The following SLMAP variants were observed in gnomAD, a reference collection of about 807,000 sequenced individuals.
SLMAP encodes sarcolemma associated protein, also known as sarcolemmal membrane-associated protein.
SLMAP carries 44 observed loss-of-function variants against 128.8 expected under a neutral mutation model. That is an observed-to-expected ratio of 0.34 (90% confidence interval 0.27 to 0.44). SLMAP has a LOEUF of 0.44. Ranked by LOEUF, SLMAP falls within the 20% of genes least tolerant of loss-of-function variation. The pLI is 1.00. For missense variants in SLMAP, 787 were observed against 985.3 expected, an observed-to-expected ratio of 0.80 and a Z score of 2.69; for synonymous variants, 327 against 348.8, an observed-to-expected ratio of 0.94 and a Z score of 0.70.
intron 22 of SLMAP, among the ~76,000 whole-genome samples, chr3:57,919,979 A>C (rs1023493313): frequency 9.9e-5 from 15 of 152,082 alleles, no homozygotes; most frequent in African/African-American, 3.1e-4. Flanking sequence ...CTGCTTCACA[A>C]CTCCTGCAAT....
chr3:57,836,286 T>TA (rs953939974), intron 3 of SLMAP, among the ~76,000 whole-genome samples: 1 of 151,962 alleles, frequency 6.6e-6, no homozygotes, highest in African/African-American at 2.4e-5. Context: ...GAACTACAAT[T>TA]AAAAAATCAC....
intron 2 of SLMAP, among the ~76,000 whole-genome samples, chr3:57,771,160 T>TCCCCC (rs2080781465): frequency 9.3e-6 from 1 of 107,574 alleles, no homozygotes; most frequent in African/African-American, 3.5e-5. Flanking sequence ...TCCCCTCCCC[T>TCCCCC]CCCCTCCCCT....
At chr3:57,818,475 T>A (rs1324843511) in intron 2 of SLMAP, among the ~76,000 whole-genome samples, 1 of 152,196 alleles carries the variant, frequency 6.6e-6, no homozygotes, top group Non-Finnish European at 1.5e-5. Flanking sequence ...TTTCTTTATC[T>A]GAAGTATGGG....
In SLMAP at chr3:57,885,771, C is replaced by CTTTTTTTTTTTTTTTTTTTTTTTT. The variant is rs35541333; in HGVS notation, c.1301-4263_1301-4240dup. ...TTGTTTTGCTTTTCGGTTTTTGGTT[C>CTTTTTTTTTTTTTTTTTTTTTTTT]TTTTTTTTTTTTTTTTTTTTTTTTT... On this transcript the variant is annotated intron_variant, in intron 14 of 24. Coordinates refer to ENST00000671191, the MANE Select transcript of SLMAP (RefSeq NM_001377540.1). Among the ~76,000 whole-genome samples the CTTTTTTTTTTTTTTTTTTTTTTTT allele has an allele frequency of 7.5e-5, 4 of 53,574 alleles. 1 individual carries two copies. Among genetic ancestry groups the CTTTTTTTTTTTTTTTTTTTTTTTT allele is most frequent in the African/African-American group, 1.6e-4 (2 of 12,464 alleles). The allele number at this position is 53,574 out of a possible 152,430, so 35.1% of individuals were successfully genotyped here. A position where few individuals can be genotyped will look rare whatever the true frequency, so the allele number is the denominator to read the frequency against.
chr3:57,775,899 A>G (rs767447601), intron 2 of SLMAP, among the ~76,000 whole-genome samples: 4 of 152,066 alleles, frequency 2.6e-5, no homozygotes, highest in Non-Finnish European at 5.9e-5. Flanking sequence ...GCGTTTTACC[A>G]TGTTGGCCAG....
chr3:57,868,684 G>A (rs980010290), intron 13 of SLMAP, among the ~76,000 whole-genome samples: 1 of 150,500 alleles, frequency 6.6e-6, no homozygotes, highest in Non-Finnish European at 1.5e-5. Flanking sequence ...CTATGATTGT[G>A]CCACTGTACT....
At chr3:57,898,458 T>C (rs1385786329) in intron 17 of SLMAP, 1 of 152,212 alleles carries the variant, frequency 6.6e-6, no homozygotes, top group Non-Finnish European at 1.5e-5. Flanking sequence ...TTTTTCTTTT[T>C]GTAGGTACAT....
chr3:57,881,528 G>A (rs2095743386), intron 14 of SLMAP, among the ~76,000 whole-genome samples: 1 of 152,098 alleles, frequency 6.6e-6, no homozygotes, highest in South Asian at 2.1e-4. Context: ...TGCGATCTCG[G>A]CTCACTGCAA....
chr3:57,808,775 A>G (rs138389055), intron 2 of SLMAP, among the ~76,000 whole-genome samples: 2 of 152,182 alleles, frequency 1.3e-5, no homozygotes, highest in African/African-American at 2.4e-5. Context: ...TATTAGGTCC[A>G]CTTGATCCAT....
chr3:57,796,589 A>G (rs1476838220), intron 2 of SLMAP, among the ~76,000 whole-genome samples: 1 of 152,246 alleles, frequency 6.6e-6, no homozygotes, highest in East Asian at 1.9e-4. Context: ...AACAGTCACC[A>G]TATAAGTATT....
intron 14 of SLMAP, among the ~76,000 whole-genome samples, chr3:57,889,469 A>G (rs2096001367): frequency 1.3e-5 from 2 of 152,258 alleles, no homozygotes; most frequent in Non-Finnish European, 2.9e-5. Flanking sequence ...ATCCTCTTCA[A>G]TGAAACGTGG....
At chr3:57,762,194 C>T (rs377334302) in intron 2 of SLMAP, among the ~76,000 whole-genome samples, 70 of 151,930 alleles carry the variant, frequency 4.6e-4, no homozygotes, top group African/African-American at 1.4e-3. Flanking sequence ...CGGTGAAACC[C>T]TGTCTCTACG....
intron 5 of SLMAP, among the ~76,000 whole-genome samples, chr3:57,848,322 CCCTTCTCCT>C (rs1420633307): frequency 6.7e-6 from 1 of 148,636 alleles, no homozygotes; most frequent in African/African-American, 2.5e-5. Context: ...CTTCTTCTCC[CCCTTCTCCT>C]CCTCCTGTTT....
chr3:57,837,151 C>G (rs1052286186), intron 3 of SLMAP, among the ~76,000 whole-genome samples: 1 of 152,138 alleles, frequency 6.6e-6, no homozygotes, highest in Non-Finnish European at 1.5e-5. Context: ...GCCTAGAAAC[C>G]TTTCTTGATC....
At chr3:57,853,955 T>TTTTATA (rs1491461131) in intron 6 of SLMAP, among the ~76,000 whole-genome samples, 44 of 31,930 alleles carry the variant, frequency 1.4e-3, no homozygotes, top group African/African-American at 3.6e-3. Flanking sequence ...AAAAAAAAAA[T>TTTTATA]TATATATATA....
At chr3:57,925,974 G>C in intron 24 of SLMAP, 40 bp downstream of exon 24, 1 of 1,429,070 alleles carries the variant, frequency 7.0e-7, no homozygotes, top group Non-Finnish European at 9.6e-7. Flanking sequence ...GTTTGTCCCC[G>C]TCACCTTTTT....
At chr3:57,911,202 G>T (rs2096686107) in intron 19 of SLMAP, among the ~76,000 whole-genome samples, 1 of 152,052 alleles carries the variant, frequency 6.6e-6, no homozygotes, top group East Asian at 1.9e-4. Flanking sequence ...CCTGGTGCCA[G>T]CATGTGTATT....
chr3:57,857,870 T>C lies in SLMAP; in HGVS notation c.615+42T>C, dbSNP rs768790531. The C allele has an allele frequency of 4.5e-6, 6 of 1,327,122 alleles. No individual in the cohort carries two copies. In the East Asian group the frequency reaches 1.4e-4, roughly 31 times the overall value. The allele number at this position is 1,327,122 out of a possible 1,614,324, so 82.2% of individuals were successfully genotyped here. The stretch of plus-strand genomic sequence containing the variant: ...ATATTTAAGAAACATTTAAACATAG[T>C]TTAATATTCCATACATGTTAAATAA... On this transcript the variant is annotated intron_variant, in intron 7 of 24. Coordinates refer to ENST00000671191, the MANE Select transcript of SLMAP (RefSeq NM_001377540.1).
chr3:57,889,033 C>T (rs1326053888), intron 14 of SLMAP, among the ~76,000 whole-genome samples: 2 of 152,042 alleles, frequency 1.3e-5, no homozygotes, highest in African/African-American at 4.8e-5. Context: ...TACAGGCACC[C>T]GCCACCATGC....
Sources: allele counts gnomAD v4.1 joint callset (sites outside exome capture counted in the v4.1 genomes callset), GRCh38; gene constraint gnomAD v4.1.1; transcripts MANE v1.5; gene names NCBI Gene and HGNC (gene_info 2026-07-23, HGNC 2026-07-21).